The following PTPRD variants were observed in gnomAD, a reference collection of about 807,000 sequenced individuals.
PTPRD encodes the protein protein tyrosine phosphatase receptor type D.
In PTPRD, 34 loss-of-function variants were observed where a neutral mutation model predicts 214.5. The ratio of observed to expected loss-of-function variants is 0.16; its 90% CI spans 0.12 to 0.21. The LOEUF (loss-of-function observed/expected upper bound fraction) is 0.21, where lower values mean the gene tolerates loss of function less well. Ranked by LOEUF, PTPRD falls within the 10% of genes least tolerant of loss-of-function variation. The pLI, the probability that PTPRD is intolerant of heterozygous loss-of-function variation, is 1.00. For synonymous variants in PTPRD, 1,128 were observed against 845.7 expected, an observed-to-expected ratio of 1.33 and a Z score of -5.79; for missense variants, 2,545 against 2,398.7, an observed-to-expected ratio of 1.06 and a Z score of -1.27.
At chr9:9,736,331 T>A in intron 6 of PTPRD, among the ~76,000 whole-genome samples, 1 of 152,130 alleles carries the variant, frequency 6.6e-6, no homozygotes, top group East Asian at 1.9e-4. Flanking sequence ...AAAATCTTAT[T>A]TATGAGATTC....
At chr9:9,528,938 C>CTTTCT (rs1435861553) in intron 8 of PTPRD, among the ~76,000 whole-genome samples, 2 of 136,696 alleles carry the variant, frequency 1.5e-5, no homozygotes, top group African/African-American at 5.6e-5. Context: ...TTGTTTGTTT[C>CTTTCT]TTTTTTTTTT....
chr9:9,469,403 A>G (rs2094439379), intron 8 of PTPRD, among the ~76,000 whole-genome samples: 1 of 152,162 alleles, frequency 6.6e-6, no homozygotes, highest in Admixed American at 6.5e-5. Flanking sequence ...CCTTAAATCA[A>G]AAGGGCTCAC....
intron 11 of PTPRD, among the ~76,000 whole-genome samples, chr9:8,963,243 T>G (rs1277348497): frequency 6.6e-6 from 1 of 152,136 alleles, no homozygotes; most frequent in Non-Finnish European, 1.5e-5. Flanking sequence ...AGGAAATGAT[T>G]ATCAGAAAAG....
rs145358852 is a variant in PTPRD, at chr9:8,935,591, T to A, written c.-104+83106A>T. 2.1e-3 allele frequency among the ~76,000 whole-genome samples: 321 copies of A among 152,324 alleles called. 4 individuals are homozygous for A. The highest frequency in any genetic ancestry group is 7.5e-3 in the African/African-American group (313 of 41,562). ...ATCCCGAGGAAGCCTAACGAATGAATGCTTCATTCACATAACTAGTTTTAT... is the reference window on the plus strand; with the variant it reads ...ATCCCGAGGAAGCCTAACGAATGAAAGCTTCATTCACATAACTAGTTTTAT... On this transcript the variant is annotated intron_variant, in intron 11 of 45. Coordinates refer to ENST00000381196, the MANE Select transcript of PTPRD (RefSeq NM_002839.4).
At chr9:9,694,431 A>G (rs942614710) in intron 7 of PTPRD, among the ~76,000 whole-genome samples, 1 of 151,636 alleles carries the variant, frequency 6.6e-6, no homozygotes, top group Non-Finnish European at 1.5e-5. Flanking sequence ...CTCTGTAGTG[A>G]GCCACCTGGA....
intron 18 of PTPRD, chr9:8,524,700 C>T: frequency 1.6e-6 from 1 of 633,080 alleles, no homozygotes; most frequent in Non-Finnish European, 2.8e-6. Context: ...TGCAAATATA[C>T]TTACAAACTC....
At chr9:10,178,886 T>G (rs2099265210) in intron 3 of PTPRD, among the ~76,000 whole-genome samples, 2 of 151,862 alleles carry the variant, frequency 1.3e-5, no homozygotes, top group African/African-American at 4.8e-5. Flanking sequence ...AACTACAATA[T>G]ATAGATAAGT....
intron 34 of PTPRD, among the ~76,000 whole-genome samples, chr9:8,443,216 G>A (rs1406530760): frequency 2.0e-5 from 3 of 152,256 alleles, no homozygotes; most frequent in African/African-American, 7.2e-5. Flanking sequence ...ATTTGAACAA[G>A]CTGTTTCTTT....
intron 6 of PTPRD, among the ~76,000 whole-genome samples, chr9:9,744,063 A>G (rs1170966364): frequency 2.0e-5 from 3 of 152,056 alleles, no homozygotes; most frequent in African/African-American, 4.8e-5. Flanking sequence ...CTTCAACTTA[A>G]CAGCGTTTCT....
At chr9:8,993,952 T>C (rs892810620) in intron 11 of PTPRD, among the ~76,000 whole-genome samples, 14 of 152,068 alleles carry the variant, frequency 9.2e-5, no homozygotes, top group Admixed American at 3.9e-4. Flanking sequence ...GTTCAAGACA[T>C]TTAGAGGAGG....
chr9:9,946,864 T>A (rs958434850), intron 4 of PTPRD, among the ~76,000 whole-genome samples: 4 of 152,108 alleles, frequency 2.6e-5, no homozygotes, highest in African/African-American at 9.7e-5. Context: ...TATGCTTTAA[T>A]TGAAGTGCAA....
chr9:9,068,816 T>C (rs2099739409), intron 10 of PTPRD, among the ~76,000 whole-genome samples: 1 of 152,120 alleles, frequency 6.6e-6, no homozygotes, highest in East Asian at 1.9e-4. Context: ...TTCACTATGT[T>C]GGCCAGGATG....
intron 11 of PTPRD, among the ~76,000 whole-genome samples, chr9:8,934,462 TAAATATATATATATAA>T (rs2098978578): frequency 1.0e-4 from 3 of 29,728 alleles, no homozygotes; most frequent in African/African-American, 7.5e-4. Flanking sequence ...TATATATATA[TAAATATATATATATAA>T]ATATATATAT....
At chr9:8,568,314 G>A (rs2090040264) in intron 14 of PTPRD, among the ~76,000 whole-genome samples, 1 of 152,050 alleles carries the variant, frequency 6.6e-6, no homozygotes, top group Non-Finnish European at 1.5e-5. Context: ...TACTGTGGCA[G>A]ATTCCTCCCT....
intron 39 of PTPRD, among the ~76,000 whole-genome samples, chr9:8,355,558 C>A (rs57895693): frequency 0.043 from 6,598 of 152,162 alleles, 370 homozygotes; most frequent in African/African-American, 0.13. Flanking sequence ...GCCTCTCATG[C>A]AGAATAATAC....
intron 3 of PTPRD, among the ~76,000 whole-genome samples, chr9:10,336,296 C>A (rs2096842443): frequency 6.6e-6 from 1 of 151,512 alleles, no homozygotes; most frequent in Non-Finnish European, 1.5e-5. Flanking sequence ...TTCAGAAAGG[C>A]TGAATCTCAG....
At chr9:9,601,856 C>A (rs1045902791) in intron 7 of PTPRD, among the ~76,000 whole-genome samples, 1 of 151,884 alleles carries the variant, frequency 6.6e-6, no homozygotes, top group African/African-American at 2.4e-5. Flanking sequence ...CTATGAAAAA[C>A]AAATAGGGCT....
chr9:9,682,277 C>G (rs1326871931), intron 7 of PTPRD, among the ~76,000 whole-genome samples: 1 of 151,694 alleles, frequency 6.6e-6, no homozygotes, highest in African/African-American at 2.4e-5. Flanking sequence ...CTGGTTTTCT[C>G]TAGTCCTATA....
chr9:10,449,277 G>C (rs1247575723), intron 2 of PTPRD, among the ~76,000 whole-genome samples: 2 of 151,898 alleles, frequency 1.3e-5, no homozygotes, highest in East Asian at 3.9e-4. Context: ...CTGACGGCGA[G>C]TGATCTGCCC....
Sources: allele counts gnomAD v4.1 joint callset (sites outside exome capture counted in the v4.1 genomes callset), GRCh38; gene constraint gnomAD v4.1.1; transcripts MANE v1.5; gene names NCBI Gene and HGNC (gene_info 2026-07-23, HGNC 2026-07-21).